UACA: variants seen among roughly 807,000 people sequenced by gnomAD.
UACA encodes uveal autoantigen with coiled-coil domains and ankyrin repeats, also known as nuclear membrane binding protein.
A neutral mutation model predicts 160.5 loss-of-function variants in UACA; 112 were observed. The ratio of observed to expected loss-of-function variants is 0.70; its 90% CI spans 0.60 to 0.82. The LOEUF (loss-of-function observed/expected upper bound fraction) is 0.82, where lower values mean the gene tolerates loss of function less well. Ranked by LOEUF, UACA falls within the 40% of genes least tolerant of loss-of-function variation. The pLI is 0.00. For missense variants in UACA, 1,574 were observed against 1,614.6 expected (o/e 0.97, Z 0.43); for synonymous variants, 557 against 568.4 (o/e 0.98, Z 0.29).
At position 70,660,177 on chromosome 15, in the gene UACA, G is replaced by A. The variant is rs757610547; in HGVS notation, c.4153C>T (p.Arg1385Trp). The A allele has an allele frequency of 6.2e-6, 10 of 1,613,534 alleles. No individual in the cohort carries two copies. Among genetic ancestry groups the A allele is most frequent in the Middle Eastern group, 1.7e-4 (1 of 6,054 alleles). ...RQHQEVIAIY[R>W]THLLSAAQGH... ...TGTGCAGCACTAAGAAGGTGTGTCC[G>A]ATAAATTGCAATTACTTCTTGGTGC... The change falls in exon 18 of 19, where the codon CGG (arginine) becomes TGG (tryptophan). Residue 1385 changes from arginine (R) to tryptophan (W), a missense_variant. Coordinates refer to ENST00000322954, the MANE Select transcript of UACA (RefSeq NM_018003.4).
chr15:70,656,802 A>C lies in UACA; in HGVS notation c.*254T>G. 2 of 341,464 alleles carry C rather than the reference A, an allele frequency of 5.9e-6. No homozygotes were observed. Among genetic ancestry groups the C allele is most frequent in the Non-Finnish European group, 1.1e-5 (2 of 188,172 alleles). The allele number at this position is 341,464 out of a possible 1,614,324, so 21.2% of individuals were successfully genotyped here. On this transcript the variant is annotated 3_prime_UTR_variant, in exon 19 of 19. Coordinates refer to ENST00000322954, the MANE Select transcript of UACA (RefSeq NM_018003.4). ...TTATTAGGGACTTGAAGGTTTAAAAATATGTAGTCAATCCAGGGCAAAGTT... is the reference window on the plus strand; with the variant it reads ...TTATTAGGGACTTGAAGGTTTAAAACTATGTAGTCAATCCAGGGCAAAGTT...
the UACA span, among the ~76,000 whole-genome samples, chr15:70,774,545 C>CAAAAAAAAAAA: frequency 3.8e-4 from 31 of 82,444 alleles, no homozygotes; most frequent in African/African-American, 1.6e-3. Flanking sequence ...GACTCTGTCT[C>CAAAAAAAAAAA]AAAAAAAAAA....
chr15:70,770,285 G>T, the UACA span, among the ~76,000 whole-genome samples: 1 of 152,040 alleles, frequency 6.6e-6, no homozygotes, highest in Non-Finnish European at 1.5e-5. Context: ...TGGCAGAAAC[G>T]TTTAAATTAA....
At chr15:70,748,781 T>C (rs1175025624) in intron 1 of UACA, among the ~76,000 whole-genome samples, 1 of 152,194 alleles carries the variant, frequency 6.6e-6, no homozygotes, top group Non-Finnish European at 1.5e-5. Flanking sequence ...TGTACTGATA[T>C]TTAAGTGTTT....
chr15:70,700,090 C>A (rs1042831294), intron 1 of UACA, among the ~76,000 whole-genome samples: 7 of 151,878 alleles, frequency 4.6e-5, no homozygotes, highest in African/African-American at 1.7e-4. Flanking sequence ...TGTTCAAAAG[C>A]CCAACCATGA....
intron 1 of UACA, among the ~76,000 whole-genome samples, chr15:70,744,259 A>T (rs2141005026): frequency 6.6e-6 from 1 of 150,744 alleles, no homozygotes; most frequent in Non-Finnish European, 1.5e-5. Context: ...AAAAAAAAAA[A>T]AAAAAAAAAG....
chr15:70,740,769 C>T (rs1484400412), intron 1 of UACA, among the ~76,000 whole-genome samples: 1 of 152,012 alleles, frequency 6.6e-6, no homozygotes, highest in Non-Finnish European at 1.5e-5. Context: ...TGGCCGGGCG[C>T]GGTGGCTCAC....
intron 7 of UACA, among the ~76,000 whole-genome samples, chr15:70,686,484 C>CTTT (rs59586401): frequency 4.5e-4 from 47 of 104,844 alleles, no homozygotes; most frequent in South Asian, 1.1e-3. Flanking sequence ...AGCCAGGGTT[C>CTTT]TTTTTTTTTT....
At chr15:70,772,492 C>CAAAA in the UACA span, among the ~76,000 whole-genome samples, 16 of 49,562 alleles carry the variant, frequency 3.2e-4, no homozygotes, top group East Asian at 1.1e-3. Context: ...GCCTCCATCT[C>CAAAA]AAAAAAAAAA....
At chr15:70,720,492 G>C (rs1468819622) in intron 1 of UACA, among the ~76,000 whole-genome samples, 1 of 152,092 alleles carries the variant, frequency 6.6e-6, no homozygotes, top group Non-Finnish European at 1.5e-5. Flanking sequence ...TTCTTAACAG[G>C]AATGTTTATT....
chr15:70,686,786 C>A (rs61634257), intron 7 of UACA, among the ~76,000 whole-genome samples: 2,230 of 151,978 alleles, frequency 0.015, 54 homozygotes, highest in African/African-American at 0.051. Flanking sequence ...CTAGTAACTA[C>A]AAAAATCCCA....
intron 1 of UACA, among the ~76,000 whole-genome samples, chr15:70,740,135 T>C (rs1056080240): frequency 6.0e-5 from 9 of 150,688 alleles, no homozygotes; most frequent in African/African-American, 1.9e-4. Flanking sequence ...ACAATACTTA[T>C]GTTGTTATGA....
At chr15:70,753,281 A>G (rs1057470158) in intron 1 of UACA, among the ~76,000 whole-genome samples, 1 of 152,222 alleles carries the variant, frequency 6.6e-6, no homozygotes, top group African/African-American at 2.4e-5. Context: ...GATTAAGCCA[A>G]ACTATTTTTT....
chr15:70,701,996 T>C lies in UACA; in HGVS notation c.79-2336A>G, dbSNP rs1280144763. ...ATCTCTGTAAGCTCACAAAGCAAAC[T>C]CTCAGACAAACTCCTGACAAGTGAC... is the stretch of plus-strand genomic sequence containing the variant. On this transcript the variant is annotated intron_variant, in intron 1 of 18. Transcript: ENST00000322954. 6 of 1,586,848 alleles carry C rather than the reference T, an allele frequency of 3.8e-6. No homozygotes were observed. In the African/African-American group the frequency reaches 8.1e-5, roughly 21 times the overall value.
At chr15:70,762,330 T>C (rs946034728) in intron 1 of UACA, among the ~76,000 whole-genome samples, 1 of 152,250 alleles carries the variant, frequency 6.6e-6, no homozygotes, top group Non-Finnish European at 1.5e-5. Flanking sequence ...AAAATCTGCG[T>C]TGAATTGTAA....
At chr15:70,680,211 G>T (rs1273254579) in intron 9 of UACA, among the ~76,000 whole-genome samples, 3 of 152,140 alleles carry the variant, frequency 2.0e-5, no homozygotes, top group Admixed American at 2.0e-4. Flanking sequence ...ACTTGGTTGG[G>T]TGTATGTTCT....
At chr15:70,761,079 A>C (rs993675605) in intron 1 of UACA, among the ~76,000 whole-genome samples, 64 of 152,346 alleles carry the variant, frequency 4.2e-4, no homozygotes, top group African/African-American at 1.5e-3. Context: ...AGAATTGTAC[A>C]TTACAGCAAA....
chr15:70,755,681 A>T (rs1209901525), intron 1 of UACA, among the ~76,000 whole-genome samples: 4 of 151,998 alleles, frequency 2.6e-5, no homozygotes, highest in African/African-American at 7.3e-5. Context: ...AAAAATAAAA[A>T]AAAAAAAGAA....
intron 17 of UACA, among the ~76,000 whole-genome samples, chr15:70,663,559 T>C (rs1021276583): frequency 4.6e-5 from 7 of 151,962 alleles, no homozygotes; most frequent in Admixed American, 1.3e-4. Context: ...CACATGCTGC[T>C]ATAAAGACAC....
Sources: gnomAD v4.1 joint callset for allele counts (sites outside exome capture counted in the v4.1 genomes callset) on GRCh38, gnomAD v4.1.1 for gene constraint, MANE v1.5 for transcripts, NCBI Gene and HGNC (gene_info 2026-07-23, HGNC 2026-07-21) for gene names.